VARS1: variants seen among roughly 807,000 people sequenced by gnomAD.
The protein encoded by VARS1 is valyl-tRNA synthetase 1, also known as valine--tRNA ligase.
In VARS1, 92 loss-of-function variants were observed where a neutral mutation model predicts 161.0. The ratio of observed to expected loss-of-function variants is 0.57; its 90% CI spans 0.48 to 0.68. The LOEUF is 0.68. Ranked by LOEUF, VARS1 falls within the 30% of genes least tolerant of loss-of-function variation. VARS1 has a pLI of 0.00. For synonymous variants in VARS1, 595 were observed against 682.5 expected, an observed-to-expected ratio of 0.87 and a Z score of 2.00; for missense variants, 1,338 against 1,695.9, an observed-to-expected ratio of 0.79 and a Z score of 3.71.
chr6:31,781,150 A>G lies in VARS1; in HGVS notation c.2545-27T>C, dbSNP rs777224102. 4 of 1,610,662 alleles carry G rather than the reference A, an allele frequency of 2.5e-6. No homozygotes were observed. In the South Asian group the frequency reaches 3.3e-5, roughly 13 times the overall value. On this transcript the variant is annotated intron_variant, in intron 21 of 29. Transcript: ENST00000375663. This position sits in a 1 kb window ranked among gnomAD's most constrained non-coding sequence, Gnocchi z 6.8. ...TGCAGAGCAGGTGGGGAGGCCCATG[A>G]GACTCAGTCCTCTCCTTCCCCGGCC...
chr6:31,791,644 G>C lies in VARS1; in HGVS notation c.1066C>G (p.Leu356Val), dbSNP rs1017906499. 18 of 1,612,754 alleles carry C rather than the reference G, an allele frequency of 1.1e-5. No individual in the cohort carries two copies. The highest frequency in any genetic ancestry group is 1.4e-5 in the Non-Finnish European group (17 of 1,179,914). ...VTGSLHLGHA[L>V]TNAIQDSLTR... ...AGGGAGTCCTGGATGGCGTTGGTGA[G>C]TGCATGGCCCAGGTGCAGGGAGCCT... Residue 356 changes from leucine to valine, a missense_variant, in exon 8 of 30, where the codon CTC becomes GTC. Around this residue, in one of 3 missense-constraint regions of VARS1, gnomAD observed 902 missense variants for 1,090.3 expected, o/e 0.83. Coordinates refer to ENST00000375663, the MANE Select transcript of VARS1 (RefSeq NM_006295.3). This position sits in a 1 kb window ranked among gnomAD's most constrained non-coding sequence, Gnocchi z 5.0.
In VARS1 at chr6:31,794,943, G is replaced by T. The variant is rs144102783; in HGVS notation, c.275C>A (p.Ala92Glu). 44 of 1,612,744 alleles carry T rather than the reference G, an allele frequency of 2.7e-5. No individual in the cohort carries two copies. In the African/African-American group the frequency reaches 4.4e-4, roughly 16 times the overall value. The change falls in exon 2 of 30, where the codon GCG (alanine) becomes GAG (glutamate). Residue 92 changes from alanine to glutamate, a missense_variant. By Grantham distance (107) the Ala-to-Glu change is moderately radical (BLOSUM62 -1). Transcript: ENST00000375663. Reference protein sequence around the residue: ...AGLGGPGGSRAAVLVQQWVSY... With the variant: ...AGLGGPGGSREAVLVQQWVSY... ...GACCCACTGTTGGACAAGGACAGCC[G>T]CCCGGCTGCCCCCTGGGCCCCCCAG... is the stretch of plus-strand genomic sequence containing the variant.
At chr6:31,787,817 A>C (rs1813598343) in intron 8 of VARS1, among the ~76,000 whole-genome samples, 1 of 151,774 alleles carries the variant, frequency 6.6e-6, no homozygotes, top group Admixed American at 6.6e-5. Flanking sequence ...TCTTGATTTT[A>C]TTAAAAAATT....
Position 31,784,200 on chromosome 6 carries a change from G to A in VARS1, c.1671+14C>T. On this transcript the variant is annotated intron_variant, in intron 13 of 29. Transcript: ENST00000375663. The surrounding 1 kb of genome is among the most constrained non-coding windows in gnomAD (Gnocchi z 6.1). The stretch of plus-strand genomic sequence containing the variant: ...TGGCCAGAACTCCTTCCCTAACTGT[G>A]GACAGTCCCCCACCTGGTATCTGGT... 6.2e-7 allele frequency: 1 copy of A among 1,614,022 alleles called. No homozygotes were observed. The highest frequency in any genetic ancestry group is 8.5e-7 in the Non-Finnish European group (1 of 1,179,970).
Position 31,781,380 on chromosome 6 carries a change from A to G in VARS1, c.2544+101T>C. The G allele has an allele frequency of 6.6e-7, 1 of 1,507,016 alleles. No homozygotes were observed. The highest frequency in any genetic ancestry group is 8.9e-7 in the Non-Finnish European group (1 of 1,126,230). 93.4% of individuals were successfully genotyped at this position (1,507,016 alleles called of 1,614,324 possible). ...ACCAGCCCCCGGGTCAGGCCTGCCC[A>G]CAGCTAACCCCATGCCCCAGCCACG... On this transcript the variant is annotated intron_variant, in intron 21 of 29. Transcript: ENST00000375663. This position sits in a 1 kb window ranked among gnomAD's most constrained non-coding sequence, Gnocchi z 6.8.
In VARS1 at chr6:31,795,000, G is replaced by A; in HGVS notation, c.218C>T (p.Thr73Met). ...GPGGLWVWGA[T>M]AVAQLLWPAG... Reference sequence around the variant, plus strand: ...TGGCCACAGCAGCTGGGCCACAGCCGTGGCCCCCCACACCCAGAGCCCACC... The same window carrying A: ...TGGCCACAGCAGCTGGGCCACAGCCATGGCCCCCCACACCCAGAGCCCACC... Residue 73 changes from threonine to methionine, a missense_variant, in exon 2 of 30, where the codon ACG (threonine) becomes ATG (methionine). This residue lies in a region of VARS1 where 902 missense variants were observed against 1,090.3 expected (regional missense o/e 0.83). Coordinates refer to ENST00000375663, the MANE Select transcript of VARS1 (RefSeq NM_006295.3). 1 of 1,605,476 alleles carries A rather than the reference G, an allele frequency of 6.2e-7. No homozygotes were observed. Among genetic ancestry groups the A allele is most frequent in the Non-Finnish European group, 8.5e-7 (1 of 1,175,454 alleles).
Position 31,779,016 on chromosome 6 carries a change from C to T in VARS1, c.3677G>A (p.Gly1226Asp), listed in dbSNP as rs767516162. Residue 1226 changes from glycine (G) to aspartate (D), a missense_variant, in exon 29 of 30, where the codon GGC (glycine) becomes GAC (aspartate). Physicochemically the swap from Gly to Asp is moderately conservative, Grantham distance 94. Transcript: ENST00000375663. This position sits in a 1 kb window ranked among gnomAD's most constrained non-coding sequence, Gnocchi z 9.1. ...TTCGAGCGGCACCTTGACAGGATAG[C>T]CCGAGGCAGCACGGCGTTCCCGCAG... ...QRLRERRAASGYPVKVPLEVQ... is the reference protein window; with the variant it reads ...QRLRERRAASDYPVKVPLEVQ... The T allele has an allele frequency of 4.3e-6, 7 of 1,613,024 alleles. No individual in the cohort carries two copies. In the Admixed American group the frequency reaches 1.2e-4, roughly 27 times the overall value.
chr6:31,791,869 A>G lies in VARS1; in HGVS notation c.972+2T>C, dbSNP rs1168735937. ...TGGGCCTGGGCAGCAGTGCCTACTC[A>G]CCCCATACTCTGGCTTGAAGAAGCC... On this transcript the variant is annotated splice_donor_variant, in intron 7 of 29. Transcript: ENST00000375663. LOFTEE classifies it high-confidence loss of function. This position sits in a 1 kb window ranked among gnomAD's most constrained non-coding sequence, Gnocchi z 5.0. 2 of 1,609,438 alleles carry G rather than the reference A, an allele frequency of 1.2e-6. No individual in the cohort carries two copies. The highest frequency in any genetic ancestry group is 1.7e-6 in the Non-Finnish European group (2 of 1,178,206).
chr6:31,777,990 T>G lies in VARS1; in HGVS notation c.3727-328A>C, dbSNP rs1812853010. ...GGTCACTTCATTTGTCAGATGATGATGATGATATTGCCCCCCTCCCAGGGC... is the reference window on the plus strand; with the variant it reads ...GGTCACTTCATTTGTCAGATGATGAGGATGATATTGCCCCCCTCCCAGGGC... On this transcript the variant is annotated intron_variant, in intron 29 of 29. Transcript: ENST00000375663. This position sits in a 1 kb window ranked among gnomAD's most constrained non-coding sequence, Gnocchi z 5.8. 1 of 437,554 alleles carries G rather than the reference T, an allele frequency of 2.3e-6. No individual in the cohort carries two copies. Among genetic ancestry groups the G allele is most frequent in the African/African-American group, 2.0e-5 (1 of 50,554 alleles). 27.1% of individuals were successfully genotyped at this position (437,554 alleles called of 1,614,324 possible).
In VARS1 at chr6:31,782,907, C is replaced by T; in HGVS notation, c.1763-62G>A. ...TCCACGGAGTTCCTTCCTACACTCA[C>T]CTCTTTTGCTGAAGGATGTAGCTCC... On this transcript the variant is annotated intron_variant, in intron 14 of 29. Transcript: ENST00000375663. The surrounding 1 kb of genome is among the most constrained non-coding windows in gnomAD (Gnocchi z 8.3). 3 of 1,569,742 alleles carry T rather than the reference C, an allele frequency of 1.9e-6. No homozygotes were observed. The highest frequency in any genetic ancestry group is 2.6e-6 in the Non-Finnish European group (3 of 1,157,472).
Position 31,777,548 on chromosome 6 carries a change from C to A in VARS1, c.*46G>T, listed in dbSNP as rs755873469. 1.2e-6 allele frequency: 2 copies of A among 1,610,294 alleles called. No individual in the cohort carries two copies. The highest frequency in any genetic ancestry group is 1.1e-5 in the South Asian group (1 of 90,968). On this transcript the variant is annotated 3_prime_UTR_variant, in exon 30 of 30. Transcript: ENST00000375663. The surrounding 1 kb of genome is among the most constrained non-coding windows in gnomAD (Gnocchi z 5.8). The stretch of plus-strand genomic sequence containing the variant: ...TGGGAAAATATTTTATTGCTGCCAT[C>A]CCCATGGTGAGCCGCTGGGGGTGAG...
intron 8 of VARS1, among the ~76,000 whole-genome samples, chr6:31,786,196 G>A (rs1238851481): frequency 6.6e-6 from 1 of 152,144 alleles, no homozygotes; most frequent in Non-Finnish European, 1.5e-5. Flanking sequence ...GGAAGCAGAG[G>A]TTGCAGCAAG....
Position 31,780,706 on chromosome 6 carries a change from C to G in VARS1, c.2796G>C (p.Gln932His). ...LRFGLCAYMS[Q>H]GRDINLDVNR... is the part of the protein sequence containing the mutation. ...GGAGGGACGCTTTGGGGGCCATACCCTGGGACATGTAGGCACATAATCCAA... is the reference window on the plus strand; with the variant it reads ...GGAGGGACGCTTTGGGGGCCATACCGTGGGACATGTAGGCACATAATCCAA... The change falls in exon 24 of 30, where the codon CAG becomes CAC. Residue 932 changes from glutamine (Q) to histidine (H), a missense_variant and splice_region_variant. Coordinates refer to ENST00000375663, the MANE Select transcript of VARS1 (RefSeq NM_006295.3). This position sits in a 1 kb window ranked among gnomAD's most constrained non-coding sequence, Gnocchi z 5.1. The G allele has an allele frequency of 6.2e-7, 1 of 1,614,152 alleles. No homozygotes were observed. The highest frequency in any genetic ancestry group is 8.5e-7 in the Non-Finnish European group (1 of 1,180,016).
chr6:31,782,146 C>T lies in VARS1; in HGVS notation c.2182G>A (p.Gly728Ser), dbSNP rs779623482. 6.2e-7 allele frequency: 1 copy of T among 1,613,988 alleles called. No homozygotes were observed. The highest frequency in any genetic ancestry group is 1.3e-5 in the African/African-American group (1 of 75,042). Residue 728 changes from glycine (G) to serine (S), a missense_variant, in exon 18 of 30, where the codon GGC becomes AGC. By Grantham distance (56) the Gly-to-Ser change is moderately conservative. This residue lies in a region of VARS1 where 902 missense variants were observed against 1,090.3 expected (regional missense o/e 0.83). Coordinates refer to ENST00000375663, the MANE Select transcript of VARS1 (RefSeq NM_006295.3). The surrounding 1 kb of genome is among the most constrained non-coding windows in gnomAD (Gnocchi z 8.3). ...EWCISRQLWW[G>S]HRIPAYFVTV... ...ACAAAGTAGGCTGGGATGCGATGGC[C>T]CCACCACAGCTGCCTGGAAATGCAC... is the stretch of plus-strand genomic sequence containing the variant.
chr6:31,792,130 C>G, intron 6 of VARS1, 87 bp downstream of exon 6: 1 of 1,535,956 alleles, frequency 6.5e-7, no homozygotes, highest in Non-Finnish European at 8.9e-7. Flanking sequence ...CCTCACCAAA[C>G]AAAGTGGTGA....
rs943911206 is a variant in VARS1 at position 31,791,115 on chromosome 6, C to A, written c.1100+495G>T. On this transcript the variant is annotated intron_variant, in intron 8 of 29. Coordinates refer to ENST00000375663, the MANE Select transcript of VARS1 (RefSeq NM_006295.3). This position sits in a 1 kb window ranked among gnomAD's most constrained non-coding sequence, Gnocchi z 5.0. The stretch of plus-strand genomic sequence containing the variant: ...GCCATGAGCCGAGATGGCGTCACTG[C>A]ACTCCGGCCTGGGCAACAGAACAAG... 6.6e-6 allele frequency among the ~76,000 whole-genome samples: 1 copy of A among 152,036 alleles called. No individual in the cohort carries two copies. Among genetic ancestry groups the A allele is most frequent in the African/African-American group, 2.4e-5 (1 of 41,388 alleles).
chr6:31,780,006 C>CA lies in VARS1; in HGVS notation c.3072dup (p.Val1025CysfsTer19). On this transcript the variant is annotated frameshift_variant, in exon 26 of 30. Coordinates refer to ENST00000375663, the MANE Select transcript of VARS1 (RefSeq NM_006295.3). LOFTEE classifies it high-confidence loss of function. The surrounding 1 kb of genome is among the most constrained non-coding windows in gnomAD (Gnocchi z 5.1). ...GCTGTGCTCCTTCTCACCAAGTAGA[C>CA]ATCACAGAGCTCATAGAGCCAGAAG... The CA allele has an allele frequency of 6.2e-7, 1 of 1,614,000 alleles. No homozygotes were observed. The highest frequency in any genetic ancestry group is 8.5e-7 in the Non-Finnish European group (1 of 1,180,016).
At position 31,778,729 on chromosome 6, in the gene VARS1, A is replaced by G; in HGVS notation, c.3726+238T>C. ...ATTTCACCATGTTGGCTGGTCTCAA[A>G]CCCCTGGGCTCAAGTGATCCACCCA... On this transcript the variant is annotated intron_variant, in intron 29 of 29. Transcript: ENST00000375663. This position sits in a 1 kb window ranked among gnomAD's most constrained non-coding sequence, Gnocchi z 5.1. 1 of 584,934 alleles carries G rather than the reference A, an allele frequency of 1.7e-6. No homozygotes were observed. Among genetic ancestry groups the G allele is most frequent in the Non-Finnish European group, 3.0e-6 (1 of 334,786 alleles). The allele number at this position is 584,934 out of a possible 1,614,324, so 36.2% of individuals were successfully genotyped here.
chr6:31,781,287 C>T lies in VARS1; in HGVS notation c.2545-164G>A. The stretch of plus-strand genomic sequence containing the variant: ...TTTATGTGAATCAGAAGCACTCCTT[C>T]CTCTGGGAAGATGAAGCCCTGGGCA... On this transcript the variant is annotated intron_variant, in intron 21 of 29. Transcript: ENST00000375663. The surrounding 1 kb of genome is among the most constrained non-coding windows in gnomAD (Gnocchi z 6.8). 1 of 1,186,354 alleles carries T rather than the reference C, an allele frequency of 8.4e-7. No individual in the cohort carries two copies. Among genetic ancestry groups the T allele is most frequent in the Non-Finnish European group, 1.2e-6 (1 of 850,330 alleles). The allele number at this position is 1,186,354 out of a possible 1,614,324, so 73.5% of individuals were successfully genotyped here. A position where few individuals can be genotyped will look rare whatever the true frequency, so the allele number is the denominator to read the frequency against.
Sources: allele counts gnomAD v4.1 joint callset (sites outside exome capture counted in the v4.1 genomes callset), GRCh38; gene constraint gnomAD v4.1.1; regional missense constraint gnomAD v4.1.1; non-coding constraint Gnocchi (gnomAD v3.1); transcripts MANE v1.5; gene names NCBI Gene and HGNC (gene_info 2026-07-23, HGNC 2026-07-21).